The following RBL2 variants were observed in gnomAD, a reference collection of about 807,000 sequenced individuals.
RBL2 encodes RB transcriptional corepressor like 2, also known as retinoblastoma-like protein 2.
Under a neutral mutation model 126.0 loss-of-function variants are expected in RBL2, and 56 were observed. The observed-to-expected ratio is 0.44, with a 90% CI of 0.36 to 0.56. The LOEUF (loss-of-function observed/expected upper bound fraction) is 0.56. Ranked by LOEUF, RBL2 falls within the 20% of genes least tolerant of loss-of-function variation. The pLI is 0.00. For missense variants in RBL2, 1,229 were observed against 1,398.2 expected, an observed-to-expected ratio of 0.88 and a Z score of 1.93; for synonymous variants, 454 against 478.5, an observed-to-expected ratio of 0.95 and a Z score of 0.67.
chr16:53,442,012 G>A (rs185012993), intron 2 of RBL2, among the ~76,000 whole-genome samples: 3 of 152,088 alleles, frequency 2.0e-5, no homozygotes, highest in Admixed American at 6.6e-5. Flanking sequence ...AGTAGAGATC[G>A]GGTTTTACCA....
chr16:53,435,096 C>T (rs990910516), intron 1 of RBL2, among the ~76,000 whole-genome samples: 32 of 152,076 alleles, frequency 2.1e-4, no homozygotes, highest in African/African-American at 5.6e-4. Context: ...CATCTGACCC[C>T]CCGCCCGCCT....
chr16:53,472,054 T>C (rs1960543139), intron 17 of RBL2, among the ~76,000 whole-genome samples: 1 of 152,234 alleles, frequency 6.6e-6, no homozygotes, highest in South Asian at 2.1e-4. Flanking sequence ...CTTAGGATAA[T>C]ATTTTCCAGG....
intron 7 of RBL2, 44 bp downstream of exon 7, chr16:53,453,813 AC>A: frequency 7.0e-7 from 1 of 1,434,856 alleles, no homozygotes; most frequent in Non-Finnish European, 9.6e-7. Context: ...TAAATTGTAT[AC>A]TTAGGAAACT....
chr16:53,453,639 G>A, intron 6 of RBL2, 27 bp downstream of exon 6: 1 of 1,604,052 alleles, frequency 6.2e-7, no homozygotes, highest in Non-Finnish European at 8.5e-7. Context: ...GAAATAACGT[G>A]AAAATGTTTT....
intron 17 of RBL2, among the ~76,000 whole-genome samples, chr16:53,472,465 T>C (rs1208543460): frequency 1.3e-5 from 2 of 152,330 alleles, no homozygotes; most frequent in South Asian, 2.1e-4. Flanking sequence ...TTGGGTGATA[T>C]ATCATTGTGG....
Position 53,459,489 on chromosome 16 carries a change from T to C in RBL2, c.1218T>C (p.Val406=). Residue 406 remains valine, a synonymous_variant, in exon 9 of 22, where the codon GTT becomes GTC. Coordinates refer to ENST00000262133, the MANE Select transcript of RBL2 (RefSeq NM_005611.4). The part of the protein sequence containing the change: ...ALRISTPLTG[V]RYIKENSPCV... ...GAATCTCCACACCACTAACTGGTGTTAGGTACATTAAGGAGAATAGCCCTT... is the reference window on the plus strand; with the variant it reads ...GAATCTCCACACCACTAACTGGTGTCAGGTACATTAAGGAGAATAGCCCTT... 1 of 1,613,576 alleles carries C rather than the reference T, an allele frequency of 6.2e-7. No homozygotes were observed. The highest frequency in any genetic ancestry group is 1.3e-5 in the African/African-American group (1 of 75,006).
At chr16:53,484,528 C>T (rs1055877773) in intron 21 of RBL2, among the ~76,000 whole-genome samples, 3 of 152,162 alleles carry the variant, frequency 2.0e-5, no homozygotes, top group African/African-American at 4.8e-5. Flanking sequence ...AGTACTGATA[C>T]ATGCTACAAT....
At chr16:53,445,703 T>C (rs2058056155) in intron 3 of RBL2, 1 of 152,232 alleles carries the variant, frequency 6.6e-6, no homozygotes, top group Admixed American at 6.5e-5. Context: ...TTAGCACTTA[T>C]CCACAGGAAA....
At position 53,478,954 on chromosome 16, in the gene RBL2, A is replaced by G. The variant is rs769101297; in HGVS notation, c.2704-200A>G. The G allele has an allele frequency of 3.3e-5, 19 of 571,244 alleles. 1 individual carries two copies. Among genetic ancestry groups the G allele is most frequent in the South Asian group, 1.8e-4 (8 of 44,726 alleles). 35.4% of individuals were successfully genotyped at this position (571,244 alleles called of 1,614,324 possible). ...CTTGATTCACATACTATAGACTCCT[A>G]TTGTTTTTATTGAATTTTAATAGAT... is the stretch of plus-strand genomic sequence containing the variant. On this transcript the variant is annotated intron_variant, in intron 17 of 21. Transcript: ENST00000262133.
intron 8 of RBL2, among the ~76,000 whole-genome samples, chr16:53,459,223 T>G (rs1405746234): frequency 1.3e-5 from 2 of 152,196 alleles, no homozygotes; most frequent in African/African-American, 4.8e-5. Context: ...AAAATACAAA[T>G]TATTCTTTCA....
chr16:53,481,668 CAGAT>C lies in RBL2; in HGVS notation c.3085-2_3086del. 6.5e-7 allele frequency: 1 copy of C among 1,549,462 alleles called. No homozygotes were observed. The highest frequency in any genetic ancestry group is 1.2e-5 in the South Asian group (1 of 80,888). ...GAATTACTGATTTTTTTTTTTTAAA[CAGAT>C]GGATGCTCCTCCACTCTCTCCCTAT... On this transcript the variant is annotated splice_acceptor_variant and coding_sequence_variant, in exon 21 of 22. Transcript: ENST00000262133. LOFTEE classifies it high-confidence loss of function.
intron 19 of RBL2, chr16:53,480,363 C>T (rs772679287): frequency 6.7e-5 from 39 of 578,410 alleles, no homozygotes; most frequent in Non-Finnish European, 1.2e-4. Context: ...GGACACTACT[C>T]AGAAAGCCCT....
intron 5 of RBL2, 99 bp from the exon 6 acceptor site, chr16:53,453,353 A>G (rs1321846405): frequency 1.0e-5 from 11 of 1,053,130 alleles, no homozygotes; most frequent in Middle Eastern, 2.1e-4. Context: ...TTGTATGCTA[A>G]GTGGTATACT....
intron 21 of RBL2, among the ~76,000 whole-genome samples, chr16:53,483,330 G>A (rs72801854): frequency 0.3 from 45,419 of 152,106 alleles, 7,175 homozygotes; most frequent in Middle Eastern, 0.38. Flanking sequence ...GCAGGCTGGG[G>A]TGGGAAGATT....
At chr16:53,466,884 T>G (rs1461758119) in intron 13 of RBL2, 174 bp from the exon 14 acceptor site, 1 of 547,806 alleles carries the variant, frequency 1.8e-6, no homozygotes, top group East Asian at 3.4e-5. Context: ...AGGTTTTGAA[T>G]TTTTTGACTG....
chr16:53,470,212 G>A (rs748839779), intron 15 of RBL2, 27 bp downstream of exon 15: 1 of 1,585,002 alleles, frequency 6.3e-7, no homozygotes, highest in East Asian at 2.2e-5. Flanking sequence ...TGGATATTGA[G>A]TTCCTTCTCT....
intron 17 of RBL2, 79 bp downstream of exon 17, chr16:53,471,001 C>G (rs1272816255): frequency 7.2e-7 from 1 of 1,384,640 alleles, no homozygotes; most frequent in Non-Finnish European, 9.9e-7. Context: ...TCTTGAGATA[C>G]AGTTTACATG....
At chr16:53,484,444 T>C (rs1167500793) in intron 21 of RBL2, among the ~76,000 whole-genome samples, 4 of 152,212 alleles carry the variant, frequency 2.6e-5, no homozygotes, top group Non-Finnish European at 5.9e-5. Flanking sequence ...TATATGTTGT[T>C]TGTAAGTTAT....
Position 53,490,523 on chromosome 16 carries a change from G to C in RBL2, c.*223G>C, listed in dbSNP as rs138192571. 1.1e-5 allele frequency: 4 copies of C among 379,952 alleles called. No homozygotes were observed. The highest frequency in any genetic ancestry group is 4.5e-5 in the Admixed American group (1 of 22,020). The allele number at this position is 379,952 out of a possible 1,614,324, so 23.5% of individuals were successfully genotyped here. A position where few individuals can be genotyped will look rare whatever the true frequency, so the allele number is the denominator to read the frequency against. ...TTTTCCCTACCATTCAGTGATTACTGTCAAGGCTGCTTAGAATCCAAACTT... is the reference window on the plus strand; with the variant it reads ...TTTTCCCTACCATTCAGTGATTACTCTCAAGGCTGCTTAGAATCCAAACTT... On this transcript the variant is annotated 3_prime_UTR_variant, in exon 22 of 22. Transcript: ENST00000262133.
Sources: allele counts gnomAD v4.1 joint callset (sites outside exome capture counted in the v4.1 genomes callset), GRCh38; gene constraint gnomAD v4.1.1; transcripts MANE v1.5; gene names NCBI Gene and HGNC (gene_info 2026-07-23, HGNC 2026-07-21).